The following FCHSD2 variants were observed in gnomAD, a reference collection of about 807,000 sequenced individuals.
The protein encoded by FCHSD2 is F-BAR and double SH3 domains protein 2.
In FCHSD2, 38 loss-of-function variants were observed where a neutral mutation model predicts 108.1. That is an observed-to-expected ratio of 0.35 (90% CI 0.27 to 0.46). The LOEUF is 0.46. Ranked by LOEUF, FCHSD2 falls within the 20% of genes least tolerant of loss-of-function variation. FCHSD2 has a pLI of 1.00. For synonymous variants in FCHSD2, 279 were observed against 314.7 expected (o/e 0.89, Z 1.20); for missense variants, 751 against 897.8 (o/e 0.84, Z 2.09).
intron 4 of FCHSD2, among the ~76,000 whole-genome samples, chr11:73,007,521 A>C (rs1228639637): frequency 6.6e-6 from 1 of 152,164 alleles, no homozygotes; most frequent in Non-Finnish European, 1.5e-5. Flanking sequence ...GTGATGTGGA[A>C]GGATCACTTG....
At chr11:72,896,251 C>T (rs1373927036) in intron 10 of FCHSD2, among the ~76,000 whole-genome samples, 2 of 152,164 alleles carry the variant, frequency 1.3e-5, no homozygotes, top group Non-Finnish European at 2.9e-5. Flanking sequence ...TTGTTATTTG[C>T]TGTTCAAAGA....
intron 9 of FCHSD2, among the ~76,000 whole-genome samples, chr11:72,915,767 G>A (rs1226551037): frequency 2.6e-5 from 4 of 152,122 alleles, no homozygotes; most frequent in East Asian, 3.9e-4. Flanking sequence ...GCAGTGAGCC[G>A]AGATCACGCC....
rs1858153111 is a variant in FCHSD2 at position 73,023,383 on chromosome 11, G to A, written c.166-7498C>T. ...CATTTTTAAAATGGGCAAAGGATCT[G>A]AAAAGATACTTCATCAAAGAAGATA... On this transcript the variant is annotated intron_variant, in intron 3 of 19. Transcript: ENST00000409418. 2.0e-5 allele frequency among the ~76,000 whole-genome samples: 3 copies of A among 152,114 alleles called. No homozygotes were observed. In the South Asian group the frequency reaches 6.2e-4, roughly 31 times the overall value.
At chr11:73,066,029 A>G (rs1286509079) in intron 3 of FCHSD2, among the ~76,000 whole-genome samples, 1 of 152,202 alleles carries the variant, frequency 6.6e-6, no homozygotes, top group East Asian at 1.9e-4. Flanking sequence ...GGAACCAAAA[A>G]AGAGCCTGCA....
At chr11:72,946,338 T>A (rs1008594791) in intron 8 of FCHSD2, among the ~76,000 whole-genome samples, 2 of 142,316 alleles carry the variant, frequency 1.4e-5, no homozygotes, top group African/African-American at 5.3e-5. Flanking sequence ...TAGGTGGGAA[T>A]TGAACAATGA....
chr11:72,882,827 G>T (rs755356382), intron 12 of FCHSD2, among the ~76,000 whole-genome samples: 4 of 152,054 alleles, frequency 2.6e-5, no homozygotes, highest in Non-Finnish European at 5.9e-5. Context: ...CAAAATGCCC[G>T]CAGTCTTTTT....
intron 12 of FCHSD2, among the ~76,000 whole-genome samples, chr11:72,871,414 C>CT (rs1170175488): frequency 6.6e-6 from 1 of 152,234 alleles, no homozygotes; most frequent in African/African-American, 2.4e-5. Context: ...CATTCAGCCT[C>CT]TTTTGCTTAG....
chr11:72,943,600 G>T (rs1329163545), intron 8 of FCHSD2, among the ~76,000 whole-genome samples: 1 of 152,200 alleles, frequency 6.6e-6, no homozygotes, highest in Non-Finnish European at 1.5e-5. Context: ...AGAAATGGAA[G>T]TGAGAATTCC....
intron 12 of FCHSD2, among the ~76,000 whole-genome samples, chr11:72,881,617 C>G (rs1336790716): frequency 6.6e-6 from 1 of 152,086 alleles, no homozygotes; most frequent in East Asian, 1.9e-4. Context: ...TTCACAGTGG[C>G]CAAGATGTGG....
chr11:72,907,441 G>GTATAATATA (rs199859279), intron 9 of FCHSD2, among the ~76,000 whole-genome samples: 5,677 of 152,080 alleles, frequency 0.037, 130 homozygotes, highest in Non-Finnish European at 0.057. Context: ...TCCAGTTTTT[G>GTATAATATA]CCCATTCAGT....
At chr11:73,141,744 G>A in intron 1 of FCHSD2, 113 bp downstream of exon 1, 1 of 1,185,490 alleles carries the variant, frequency 8.4e-7, no homozygotes, top group South Asian at 1.4e-5. Flanking sequence ...ACAAGCCCAA[G>A]ACGAGGGCGG....
rs770445836 is a variant in FCHSD2, at chr11:72,838,908, A to C, written c.2140-34T>G. 6.4e-6 allele frequency: 10 copies of C among 1,569,330 alleles called. No individual in the cohort carries two copies. The African/African-American group carries it at 1.3e-4, about 21-fold the overall frequency. On this transcript the variant is annotated intron_variant, in intron 19 of 19. Transcript: ENST00000409418. ...GAAACAATTACGTAGTTTGTCAGTC[A>C]GTTCCTGACTCAGTATCTGAAGCAT...
At position 72,937,287 on chromosome 11, in the gene FCHSD2, T is replaced by C. The variant is rs572942649; in HGVS notation, c.706-15337A>G. 7.2e-5 allele frequency among the ~76,000 whole-genome samples: 11 copies of C among 152,360 alleles called. 1 individual carries two copies. Among genetic ancestry groups the C allele is most frequent in the African/African-American group, 2.4e-4 (10 of 41,594 alleles). ...GGACTGCTGCAAACAAAAAAATTCT[T>C]GGCATTTCAGTTTAGTCTGAGAATT... On this transcript the variant is annotated intron_variant, in intron 8 of 19. Coordinates refer to ENST00000409418, the MANE Select transcript of FCHSD2 (RefSeq NM_014824.3).
chr11:72,876,062 G>T (rs1470887662), intron 12 of FCHSD2, among the ~76,000 whole-genome samples: 1 of 152,200 alleles, frequency 6.6e-6, no homozygotes. Flanking sequence ...GCTGACACCT[G>T]TGATCCCCAC....
intron 3 of FCHSD2, among the ~76,000 whole-genome samples, chr11:73,047,352 G>A (rs1214185873): frequency 6.6e-6 from 1 of 151,954 alleles, no homozygotes; most frequent in African/African-American, 2.4e-5. Flanking sequence ...TGTTTTTACT[G>A]CATCTTATTC....
At chr11:72,870,931 C>G (rs1043774503) in intron 12 of FCHSD2, among the ~76,000 whole-genome samples, 2 of 151,740 alleles carry the variant, frequency 1.3e-5, no homozygotes, top group Non-Finnish European at 2.9e-5. Context: ...AGAATTCCCC[C>G]TTTGACTTGG....
chr11:72,896,642 A>G lies in FCHSD2; in HGVS notation c.924+5901T>C, dbSNP rs74540190. Among the ~76,000 whole-genome samples the G allele has an allele frequency of 5.0e-3, 766 of 152,140 alleles. 4 individuals carry two copies. Among genetic ancestry groups the G allele is most frequent in the Middle Eastern group, 0.01 (3 of 294 alleles). ...AGTCCCAAGGGACTTTTAGTGATCAATCCAATAAGGGAGTTGAGAGCTAGG... is the reference window on the plus strand; with the variant it reads ...AGTCCCAAGGGACTTTTAGTGATCAGTCCAATAAGGGAGTTGAGAGCTAGG... On this transcript the variant is annotated intron_variant, in intron 10 of 19. Coordinates refer to ENST00000409418, the MANE Select transcript of FCHSD2 (RefSeq NM_014824.3).
intron 14 of FCHSD2, among the ~76,000 whole-genome samples, chr11:72,846,423 G>A (rs188051439): frequency 1.4e-3 from 210 of 152,034 alleles, no homozygotes; most frequent in Non-Finnish European, 2.3e-3. Flanking sequence ...CTCGCGATTC[G>A]CCCGCCTTGG....
intron 8 of FCHSD2, among the ~76,000 whole-genome samples, chr11:72,952,327 A>G (rs909380810): frequency 6.0e-5 from 9 of 150,894 alleles, no homozygotes; most frequent in Middle Eastern, 3.4e-3. Context: ...AAGTTTGACT[A>G]TCTTTTTTTT....
Sources: gnomAD v4.1 joint callset for allele counts (sites outside exome capture counted in the v4.1 genomes callset) on GRCh38, gnomAD v4.1.1 for gene constraint, MANE v1.5 for transcripts, NCBI Gene and HGNC (gene_info 2026-07-23, HGNC 2026-07-21) for gene names.